The following CSMD1 variants were observed in gnomAD, a reference collection of about 807,000 sequenced individuals.
CSMD1 encodes CUB and sushi domain-containing protein 1.
A neutral mutation model predicts 417.5 loss-of-function variants in CSMD1; 213 were observed. The observed-to-expected ratio is 0.51, with a 90% CI of 0.46 to 0.57. The LOEUF is 0.57. Among genes scored for constraint, CSMD1 ranks in the 20% least tolerant of loss-of-function variants. The probability of loss-of-function intolerance (pLI) is 0.00; values close to 1 mark genes in which losing one functional copy is unlikely to be tolerated. For synonymous variants in CSMD1, 2,862 were observed against 1,736.8 expected (o/e 1.65, Z -16.11); for missense variants, 6,923 against 4,529.7 (o/e 1.53, Z -15.17).
chr8:3,175,473 T>TC (rs1820858610), intron 37 of CSMD1, among the ~76,000 whole-genome samples: 1 of 21,594 alleles, frequency 4.6e-5, no homozygotes, highest in Admixed American at 6.8e-4. Context: ...CTTCCTTCTT[T>TC]TCCCTTCCTT....
intron 5 of CSMD1, among the ~76,000 whole-genome samples, chr8:3,796,668 C>T (rs1161260727): frequency 6.7e-6 from 1 of 149,470 alleles, no homozygotes; most frequent in African/African-American, 2.4e-5. Flanking sequence ...ACCTATATAT[C>T]TATATGTATA....
rs190624021 is a variant in CSMD1, at chr8:4,533,077, G to C, written c.302+104265C>G. Among the ~76,000 whole-genome samples the C allele has an allele frequency of 2.0e-5, 3 of 152,308 alleles. No homozygotes were observed. The East Asian group carries it at 5.8e-4, about 29-fold the overall frequency. ...CACTCACCTACTTTCTGCGTCAAAA[G>C]ATTTTTTGGTTCTAGATACATCATA... On this transcript the variant is annotated intron_variant, in intron 2 of 69. Coordinates refer to ENST00000635120, the MANE Select transcript of CSMD1 (RefSeq NM_033225.6).
At chr8:3,749,384 T>C (rs748047275) in intron 6 of CSMD1, among the ~76,000 whole-genome samples, 2 of 152,196 alleles carry the variant, frequency 1.3e-5, no homozygotes, top group African/African-American at 2.4e-5. Context: ...ATTTTAAGAG[T>C]AGCAACTGTA....
chr8:4,905,001 C>G (rs1468048263), intron 1 of CSMD1, among the ~76,000 whole-genome samples: 1 of 152,176 alleles, frequency 6.6e-6, no homozygotes, highest in Non-Finnish European at 1.5e-5. Flanking sequence ...AGGTATTACT[C>G]ACTCTAAGGT....
At chr8:4,062,515 T>C (rs1401380957) in intron 3 of CSMD1, among the ~76,000 whole-genome samples, 2 of 152,126 alleles carry the variant, frequency 1.3e-5, no homozygotes, top group African/African-American at 4.8e-5. Context: ...AGTGGGGAAA[T>C]GTATTTTAAA....
At chr8:4,830,842 G>A (rs748138298) in intron 1 of CSMD1, among the ~76,000 whole-genome samples, 1 of 152,172 alleles carries the variant, frequency 6.6e-6, no homozygotes, top group Non-Finnish European at 1.5e-5. Context: ...AGAGAAATCA[G>A]CTAAGTGAAG....
chr8:4,056,593 G>A (rs930710193), intron 3 of CSMD1, among the ~76,000 whole-genome samples: 1 of 151,716 alleles, frequency 6.6e-6, no homozygotes, highest in East Asian at 1.9e-4. Context: ...GTGCAGGTAA[G>A]TTACCTATGT....
chr8:3,384,636 A>T (rs1810855692), intron 18 of CSMD1, among the ~76,000 whole-genome samples: 1 of 142,394 alleles, frequency 7.0e-6, no homozygotes, highest in Non-Finnish European at 1.5e-5. Flanking sequence ...TGCTATTTAT[A>T]TATTGCTATA....
chr8:4,341,403 A>G (rs1800471109), intron 3 of CSMD1, among the ~76,000 whole-genome samples: 1 of 152,210 alleles, frequency 6.6e-6, no homozygotes, highest in Non-Finnish European at 1.5e-5. Flanking sequence ...AAAGCCTTGA[A>G]CTCAAAATGT....
chr8:3,960,627 A>G (rs1812259688), intron 5 of CSMD1, among the ~76,000 whole-genome samples: 1 of 152,042 alleles, frequency 6.6e-6, no homozygotes, highest in Admixed American at 6.5e-5. Flanking sequence ...TAATGGAAAT[A>G]TTAATATGCA....
intron 1 of CSMD1, among the ~76,000 whole-genome samples, chr8:4,707,541 G>A (rs1396272557): frequency 1.3e-5 from 2 of 152,104 alleles, no homozygotes; most frequent in Admixed American, 1.3e-4. Context: ...GAGGCCGCTT[G>A]TAGAACAGAT....
At chr8:4,126,690 G>C (rs555381430) in intron 3 of CSMD1, among the ~76,000 whole-genome samples, 99 of 152,218 alleles carry the variant, frequency 6.5e-4, no homozygotes, top group South Asian at 2.5e-3. Context: ...TTAATCATTG[G>C]TTGGTTACTT....
At chr8:2,979,992 T>C (rs1805266919) in intron 54 of CSMD1, among the ~76,000 whole-genome samples, 1 of 152,210 alleles carries the variant, frequency 6.6e-6, no homozygotes, top group Admixed American at 6.5e-5. Context: ...AATGTGATTA[T>C]TTGTATAACC....
chr8:3,919,425 T>G (rs1809071309), intron 5 of CSMD1, among the ~76,000 whole-genome samples: 1 of 152,028 alleles, frequency 6.6e-6, no homozygotes, highest in African/African-American at 2.4e-5. Flanking sequence ...TTTGGCATGT[T>G]TTTTGGTTAG....
intron 5 of CSMD1, among the ~76,000 whole-genome samples, chr8:3,868,782 C>T (rs1253383322): frequency 6.6e-6 from 1 of 152,166 alleles, no homozygotes; most frequent in Non-Finnish European, 1.5e-5. Context: ...TTCGCTATAC[C>T]TTCAAAATAT....
chr8:3,361,679 A>G (rs946681945), intron 20 of CSMD1, among the ~76,000 whole-genome samples: 2 of 150,662 alleles, frequency 1.3e-5, no homozygotes, highest in Non-Finnish European at 3.0e-5. Flanking sequence ...AAAACAAACA[A>G]AAACATTCTT....
chr8:3,944,562 G>A (rs574569489), intron 5 of CSMD1, among the ~76,000 whole-genome samples: 2 of 151,946 alleles, frequency 1.3e-5, no homozygotes, highest in Admixed American at 6.6e-5. Flanking sequence ...AATTTAAATT[G>A]TCTACAACTT....
intron 3 of CSMD1, among the ~76,000 whole-genome samples, chr8:4,249,136 G>T (rs1802892404): frequency 6.6e-6 from 1 of 152,110 alleles, no homozygotes; most frequent in African/African-American, 2.4e-5. Flanking sequence ...AACTTTCGTG[G>T]GAAAATATAA....
intron 3 of CSMD1, among the ~76,000 whole-genome samples, chr8:4,168,568 G>A (rs932981190): frequency 5.9e-5 from 9 of 151,984 alleles, no homozygotes; most frequent in Non-Finnish European, 1.3e-4. Flanking sequence ...GAAGCAGAAG[G>A]ACAATAGACG....
Sources: allele counts gnomAD v4.1 joint callset (sites outside exome capture counted in the v4.1 genomes callset), GRCh38; gene constraint gnomAD v4.1.1; transcripts MANE v1.5; gene names NCBI Gene and HGNC (gene_info 2026-07-23, HGNC 2026-07-21).